PRKCE: variants seen among roughly 807,000 people sequenced by gnomAD.
PRKCE encodes the protein protein kinase C epsilon, also known as protein kinase C epsilon type.
In PRKCE, 16 loss-of-function variants were observed where a neutral mutation model predicts 85.4. The observed-to-expected ratio is 0.19, with a 90% CI of 0.13 to 0.28. The LOEUF (loss-of-function observed/expected upper bound fraction) is 0.28. Ranked by LOEUF, PRKCE falls within the 10% of genes least tolerant of loss-of-function variation. The pLI is 1.00. For missense variants in PRKCE, 573 were observed against 975.2 expected, an observed-to-expected ratio of 0.59 and a Z score of 5.49; for synonymous variants, 388 against 371.5, an observed-to-expected ratio of 1.04 and a Z score of -0.51.
rs1558437604 is a variant in PRKCE, at chr2:46,085,749, GTTTTTGTTTTTTT to G, written c.1438-453_1438-441del. 2.7e-3 allele frequency among the ~76,000 whole-genome samples: 51 copies of G among 18,664 alleles called. 6 individuals are homozygous for G. Among genetic ancestry groups the G allele is most frequent in the East Asian group, 6.5e-3 (1 of 154 alleles). The allele number at this position is 18,664 out of a possible 152,430, so 12.2% of individuals were successfully genotyped here. On this transcript the variant is annotated intron_variant, in intron 10 of 14. Coordinates refer to ENST00000306156, the MANE Select transcript of PRKCE (RefSeq NM_005400.3). ...TCTGCAAAATCCGTTTTTTTTTTTT[GTTTTTGTTTTTTT>G]TTTTTTTTTTAGCCATATAAGGTAA...
intron 2 of PRKCE, among the ~76,000 whole-genome samples, chr2:45,940,715 C>T (rs1699810956): frequency 6.6e-6 from 1 of 152,054 alleles, no homozygotes; most frequent in Admixed American, 6.5e-5. Flanking sequence ...CACATGCTTT[C>T]AAACACATAC....
chr2:46,018,695 A>G (rs1005709104), intron 10 of PRKCE, among the ~76,000 whole-genome samples: 2 of 152,274 alleles, frequency 1.3e-5, no homozygotes, highest in African/African-American at 4.8e-5. Flanking sequence ...GATGTGTATC[A>G]TTCCAGTTTT....
chr2:45,664,966 A>G (rs115278347), intron 1 of PRKCE, among the ~76,000 whole-genome samples: 1,959 of 152,268 alleles, frequency 0.013, 41 homozygotes, highest in African/African-American at 0.044. Context: ...TCCTGGGCCA[A>G]ATTTGGGCAG....
intron 1 of PRKCE, among the ~76,000 whole-genome samples, chr2:45,781,603 C>G (rs1424113537): frequency 6.6e-6 from 1 of 152,212 alleles, no homozygotes; most frequent in African/African-American, 2.4e-5. Flanking sequence ...ACAAGAGATG[C>G]TCATCACCAG....
chr2:46,074,341 G>A (rs1201839095), intron 10 of PRKCE, among the ~76,000 whole-genome samples: 1 of 149,722 alleles, frequency 6.7e-6, no homozygotes, highest in African/African-American at 2.5e-5. Flanking sequence ...TAATATCGAT[G>A]TGGGCATGTT....
intron 2 of PRKCE, among the ~76,000 whole-genome samples, chr2:45,970,976 A>G (rs28557261): frequency 0.098 from 14,873 of 151,962 alleles, 794 homozygotes; most frequent in Middle Eastern, 0.17. Flanking sequence ...AGACACACGC[A>G]TATTACCTCT....
At position 45,774,252 on chromosome 2, in the gene PRKCE, C is replaced by T. The variant is rs1181455227; in HGVS notation, c.349-68748C>T. 6.6e-6 allele frequency among the ~76,000 whole-genome samples: 1 copy of T among 152,180 alleles called. No individual in the cohort carries two copies. The highest frequency in any genetic ancestry group is 1.5e-5 in the Non-Finnish European group (1 of 68,030). Reference sequence around the variant, plus strand: ...TGAGGTTCTAAGGCCTCCCCTCTCTCAGCAGCTGCTTCACAGCCTCACGGG... The same window carrying T: ...TGAGGTTCTAAGGCCTCCCCTCTCTTAGCAGCTGCTTCACAGCCTCACGGG... On this transcript the variant is annotated intron_variant, in intron 1 of 14. Transcript: ENST00000306156. The surrounding 1 kb of genome is among the most constrained non-coding windows in gnomAD (Gnocchi z 4.3).
intron 2 of PRKCE, among the ~76,000 whole-genome samples, chr2:45,932,343 G>A (rs1699108717): frequency 6.6e-6 from 1 of 152,170 alleles, no homozygotes; most frequent in Non-Finnish European, 1.5e-5. Context: ...CCAGTTTAGG[G>A]GTAGTATGAA....
In PRKCE at chr2:45,895,569, G is replaced by GA. The variant is rs146706657; in HGVS notation, c.412+52513dup. On this transcript the variant is annotated intron_variant, in intron 2 of 14. Coordinates refer to ENST00000306156, the MANE Select transcript of PRKCE (RefSeq NM_005400.3). This position sits in a 1 kb window ranked among gnomAD's most constrained non-coding sequence, Gnocchi z 4.8. The stretch of plus-strand genomic sequence containing the variant: ...TAATTCTTCTTCAATTTGGTTAGAG[G>GA]AAAAAAATGCTTTTCTGAGTTTATG... Among the ~76,000 whole-genome samples the GA allele has an allele frequency of 0.028, 4,245 of 152,072 alleles. 184 individuals carry two copies. Among genetic ancestry groups the GA allele is most frequent in the African/African-American group, 0.096 (3,990 of 41,480 alleles).
intron 1 of PRKCE, among the ~76,000 whole-genome samples, chr2:45,655,612 G>A (rs1303164186): frequency 6.6e-5 from 10 of 152,040 alleles, no homozygotes; most frequent in Non-Finnish European, 1.2e-4. Flanking sequence ...GACCGTTTGA[G>A]TCCAGAAGTT....
intron 1 of PRKCE, among the ~76,000 whole-genome samples, chr2:45,688,468 A>C (rs1182532088): frequency 6.6e-6 from 1 of 152,210 alleles, no homozygotes; most frequent in Non-Finnish European, 1.5e-5. Context: ...TAACCCCAAA[A>C]CAAACTCTAA....
At chr2:46,183,598 C>T (rs1680206948) in intron 14 of PRKCE, among the ~76,000 whole-genome samples, 2 of 152,176 alleles carry the variant, frequency 1.3e-5, no homozygotes, top group African/African-American at 4.8e-5. Flanking sequence ...CATTGGACTC[C>T]AGCCCTAACT....
chr2:45,946,382 T>C (rs1219617696), intron 2 of PRKCE, among the ~76,000 whole-genome samples: 1 of 152,234 alleles, frequency 6.6e-6, no homozygotes, highest in African/African-American at 2.4e-5. Context: ...ATGACCCAAG[T>C]CAGAACCTTG....
chr2:46,155,319 C>G lies in PRKCE; in HGVS notation c.1920+4090C>G, dbSNP rs950784382. 6.6e-6 allele frequency among the ~76,000 whole-genome samples: 1 copy of G among 152,190 alleles called. No individual in the cohort carries two copies. Among genetic ancestry groups the G allele is most frequent in the Non-Finnish European group, 1.5e-5 (1 of 68,026 alleles). ...GCCTCTTGGGTGAATCTTTGATGGACCCCTTCAAGGAGCTCTTCTCAGCTC... is the reference window on the plus strand; with the variant it reads ...GCCTCTTGGGTGAATCTTTGATGGAGCCCTTCAAGGAGCTCTTCTCAGCTC... On this transcript the variant is annotated intron_variant, in intron 13 of 14. Coordinates refer to ENST00000306156, the MANE Select transcript of PRKCE (RefSeq NM_005400.3). The surrounding 1 kb of genome is among the most constrained non-coding windows in gnomAD (Gnocchi z 4.7).
chr2:45,884,517 G>A (rs1030671716), intron 2 of PRKCE, among the ~76,000 whole-genome samples: 1 of 152,160 alleles, frequency 6.6e-6, no homozygotes, highest in Admixed American at 6.5e-5. Flanking sequence ...AATGGGAGCA[G>A]TAACTGTGGC....
chr2:45,720,306 G>A (rs973342973), intron 1 of PRKCE, among the ~76,000 whole-genome samples: 13 of 152,120 alleles, frequency 8.5e-5, no homozygotes, highest in African/African-American at 3.1e-4. Context: ...TCCACCTATC[G>A]GTTGGTAAAA....
At chr2:45,923,986 C>T (rs529310436) in intron 2 of PRKCE, among the ~76,000 whole-genome samples, 2 of 152,238 alleles carry the variant, frequency 1.3e-5, no homozygotes, top group Admixed American at 6.5e-5. Context: ...GTACATTAAT[C>T]GACATTTAAC....
chr2:46,113,280 G>T (rs1672445686), intron 11 of PRKCE, among the ~76,000 whole-genome samples: 2 of 152,196 alleles, frequency 1.3e-5, no homozygotes, highest in South Asian at 4.1e-4. Context: ...GTAGTTAAAT[G>T]CAGAACTCTA....
At chr2:45,730,081 C>T (rs925330576) in intron 1 of PRKCE, among the ~76,000 whole-genome samples, 3 of 152,184 alleles carry the variant, frequency 2.0e-5, no homozygotes, top group Non-Finnish European at 4.4e-5. Flanking sequence ...CACACATTAG[C>T]AGGGCAGCAC....
Sources: allele counts gnomAD v4.1 joint callset (sites outside exome capture counted in the v4.1 genomes callset), GRCh38; gene constraint gnomAD v4.1.1; non-coding constraint Gnocchi (gnomAD v3.1); transcripts MANE v1.5; gene names NCBI Gene and HGNC (gene_info 2026-07-23, HGNC 2026-07-21).